NEO1: variants seen among roughly 807,000 people sequenced by gnomAD.
The protein encoded by NEO1 is neogenin 1.
In NEO1, 63 loss-of-function variants were observed where a neutral mutation model predicts 159.7. The observed-to-expected ratio is 0.39, with a 90% CI of 0.32 to 0.49. The LOEUF is 0.49. Among genes scored for constraint, NEO1 ranks in the 20% least tolerant of loss-of-function variants. NEO1 has a pLI of 0.85. For synonymous variants in NEO1, 633 were observed against 662.0 expected (o/e 0.96, Z 0.67); for missense variants, 1,615 against 1,831.0 (o/e 0.88, Z 2.15).
rs762952907 is a variant in NEO1, at chr15:73,298,545, A to G, written c.4099A>G (p.Ile1367Val). 1.1e-5 allele frequency: 17 copies of G among 1,614,008 alleles called. No individual in the cohort carries two copies. Among genetic ancestry groups the G allele is most frequent in the Middle Eastern group, 1.6e-4 (1 of 6,084 alleles). The change falls in exon 27 of 29, where the codon ATC becomes GTC. Residue 1367 changes from isoleucine to valine, a missense_variant. Physicochemically the swap from Ile to Val is conservative, Grantham distance 29. Coordinates refer to ENST00000261908, the MANE Select transcript of NEO1 (RefSeq NM_002499.4). ...ATTGAAGAGCTTCGCCGTGCCAGCAATCCCGCCTCCAGGACCTCCCACCTA... is the reference window on the plus strand; with the variant it reads ...ATTGAAGAGCTTCGCCGTGCCAGCAGTCCCGCCTCCAGGACCTCCCACCTA... The part of the protein sequence containing the change: ...HPLKSFAVPA[I>V]PPPGPPTYDP...
At chr15:73,151,920 A>G (rs2033403295) in intron 5 of NEO1, among the ~76,000 whole-genome samples, 1 of 152,246 alleles carries the variant, frequency 6.6e-6, no homozygotes, top group Admixed American at 6.5e-5. Context: ...CCTGTTATTT[A>G]TAAATGGATT....
At position 73,249,126 on chromosome 15, in the gene NEO1, C is replaced by T. The variant is rs376506948; in HGVS notation, c.1673C>T (p.Thr558Met). 3.7e-6 allele frequency: 6 copies of T among 1,613,974 alleles called. No individual in the cohort carries two copies. The highest frequency in any genetic ancestry group is 3.4e-6 in the Non-Finnish European group (4 of 1,179,920). Residue 558 changes from threonine to methionine, a missense_variant, in exon 10 of 29, where the codon ACG becomes ATG. Physicochemically the swap from Thr to Met is moderately conservative, Grantham distance 81. Coordinates refer to ENST00000261908, the MANE Select transcript of NEO1 (RefSeq NM_002499.4). ...GCTTCGCCTACCTCCATCACTGTTA[C>T]GTGGGAAACACCAGTGTCTGGCAAT... ...YAASPTSITV[T>M]WETPVSGNGE...
chr15:73,292,132 TCAGCA>T (rs983703739), intron 25 of NEO1, among the ~76,000 whole-genome samples: 4 of 152,102 alleles, frequency 2.6e-5, no homozygotes, highest in African/African-American at 9.7e-5. Flanking sequence ...GAAGGAAGGG[TCAGCA>T]GTGCTCAAGG....
chr15:73,234,932 A>G (rs2039092399), intron 7 of NEO1, among the ~76,000 whole-genome samples: 1 of 152,178 alleles, frequency 6.6e-6, no homozygotes, highest in Non-Finnish European at 1.5e-5. Context: ...CAGTCTCTAC[A>G]TATAAGTTAG....
intron 21 of NEO1, among the ~76,000 whole-genome samples, chr15:73,275,568 TG>T (rs1418497853): frequency 5.3e-5 from 8 of 151,962 alleles, no homozygotes; most frequent in Admixed American, 5.2e-4. Context: ...GGTGGGAGGA[TG>T]GTTTGAGCCT....
chr15:73,277,520 G>A (rs2623994), intron 21 of NEO1, among the ~76,000 whole-genome samples: 7 of 152,100 alleles, frequency 4.6e-5, no homozygotes. Flanking sequence ...CTAGGAGGAA[G>A]ACTGTTTTTT....
chr15:73,200,112 T>A (rs1367866605), intron 7 of NEO1, among the ~76,000 whole-genome samples: 1 of 152,220 alleles, frequency 6.6e-6, no homozygotes, highest in Non-Finnish European at 1.5e-5. Flanking sequence ...GAGCTTGGTA[T>A]TATTTATCCT....
chr15:73,266,283 G>C, intron 15 of NEO1, 33 bp from the exon 16 acceptor site: 1 of 1,544,088 alleles, frequency 6.5e-7, no homozygotes, highest in Non-Finnish European at 8.9e-7. Flanking sequence ...TCTGTAGTGA[G>C]CATTTTTTTA....
chr15:73,277,924 T>A (rs796653322), intron 21 of NEO1, among the ~76,000 whole-genome samples: 9 of 152,340 alleles, frequency 5.9e-5, no homozygotes, highest in African/African-American at 2.2e-4. Context: ...TGTCAGTCTT[T>A]CAGATGCCTC....
intron 5 of NEO1, among the ~76,000 whole-genome samples, chr15:73,139,068 C>T (rs1002224903): frequency 2.6e-5 from 4 of 152,162 alleles, no homozygotes; most frequent in Non-Finnish European, 4.4e-5. Flanking sequence ...ATAGTCTCTT[C>T]AGTAGATGGT....
In NEO1 at chr15:73,300,722, C is replaced by T. The variant is rs117045580; in HGVS notation, c.4166-599C>T. Among the ~76,000 whole-genome samples, 2,766 of 152,228 alleles carry T rather than the reference C, an allele frequency of 0.018. 145 individuals are homozygous for T. The East Asian group carries it at 0.19, about 10-fold the overall frequency. On this transcript the variant is annotated intron_variant, in intron 27 of 28. Coordinates refer to ENST00000261908, the MANE Select transcript of NEO1 (RefSeq NM_002499.4). Reference sequence around the variant, plus strand: ...CTCCAGCCTGGGCAACAAGGAGAGACTCCGTCTCAAAAAAAAAGACAGCTG... The same window carrying T: ...CTCCAGCCTGGGCAACAAGGAGAGATTCCGTCTCAAAAAAAAAGACAGCTG...
intron 1 of NEO1, among the ~76,000 whole-genome samples, chr15:73,083,908 G>A (rs1327800846): frequency 6.6e-6 from 1 of 151,994 alleles, no homozygotes; most frequent in Non-Finnish European, 1.5e-5. Context: ...TCCTGCCTTA[G>A]CTTCCCAAAA....
chr15:73,229,192 T>C (rs1424783861), intron 7 of NEO1, among the ~76,000 whole-genome samples: 1 of 152,098 alleles, frequency 6.6e-6, no homozygotes, highest in East Asian at 1.9e-4. Flanking sequence ...TTAATTTCTC[T>C]CTGCAATGTG....
chr15:73,230,995 T>C (rs1318122433), intron 7 of NEO1, among the ~76,000 whole-genome samples: 1 of 152,212 alleles, frequency 6.6e-6, no homozygotes, highest in African/African-American at 2.4e-5. Context: ...TTCTCAGATT[T>C]CTTTTTAATT....
At chr15:73,274,056 A>C (rs1195618532) in intron 20 of NEO1, 51 bp downstream of exon 20, 1 of 1,523,644 alleles carries the variant, frequency 6.6e-7, no homozygotes, top group Non-Finnish European at 9.0e-7. Flanking sequence ...TAGTGGGGCT[A>C]TGCTGACACT....
Position 73,184,097 on chromosome 15 carries a change from G to A in NEO1, c.1291+5670G>A, listed in dbSNP as rs116483843. On this transcript the variant is annotated intron_variant, in intron 7 of 28. Coordinates refer to ENST00000261908, the MANE Select transcript of NEO1 (RefSeq NM_002499.4). ...TGTGACTTCTATGCAATAGAAAGAT[G>A]TTCTTAGAAAATATACCATTCAAAT... 8.5e-3 allele frequency among the ~76,000 whole-genome samples: 1,289 copies of A among 152,162 alleles called. 20 individuals carry two copies. Among genetic ancestry groups the A allele is most frequent in the African/African-American group, 0.029 (1,215 of 41,506 alleles).
chr15:73,162,071 C>G (rs1247769057), intron 5 of NEO1: 1 of 231,894 alleles, frequency 4.3e-6, no homozygotes, highest in Non-Finnish European at 8.8e-6. Flanking sequence ...TGGAGTGTCT[C>G]ATACAGATTT....
chr15:73,127,195 C>T (rs1241007149), intron 4 of NEO1, among the ~76,000 whole-genome samples: 1 of 149,630 alleles, frequency 6.7e-6, no homozygotes, highest in Non-Finnish European at 1.5e-5. Flanking sequence ...CGCGTCACTG[C>T]ACTCTAGCCT....
At chr15:73,242,031 A>C (rs959775354) in intron 8 of NEO1, among the ~76,000 whole-genome samples, 1 of 152,204 alleles carries the variant, frequency 6.6e-6, no homozygotes, top group Non-Finnish European at 1.5e-5. Context: ...CTGTATGAGC[A>C]TTCTGCTACG....
Sources: allele counts gnomAD v4.1 joint callset (sites outside exome capture counted in the v4.1 genomes callset), GRCh38; gene constraint gnomAD v4.1.1; transcripts MANE v1.5; gene names NCBI Gene and HGNC (gene_info 2026-07-23, HGNC 2026-07-21).